PDS5B: variants seen among roughly 807,000 people sequenced by gnomAD.
PDS5B encodes the protein sister chromatid cohesion protein PDS5 homolog B.
Under a neutral mutation model 184.1 loss-of-function variants are expected in PDS5B, and 51 were observed. The ratio of observed to expected loss-of-function variants is 0.28; its 90% CI spans 0.22 to 0.35. The LOEUF (loss-of-function observed/expected upper bound fraction) is 0.35. PDS5B is among the 10% of genes least tolerant of loss of function. The pLI, the probability that PDS5B is intolerant of heterozygous loss-of-function variation, is 1.00. For missense variants in PDS5B, 1,180 were observed against 1,723.3 expected (o/e 0.68, Z 5.58); for synonymous variants, 566 against 569.2 (o/e 0.99, Z 0.08).
chr13:32,755,957 G>GTAAGACTT lies in PDS5B; in HGVS notation c.3056+3_3056+10dup. The stretch of plus-strand genomic sequence containing the variant: ...TTGAACAACTTAAAGATGTTAAAGA[G>GTAAGACTT]TAAGACTTTTTCCATCCCATTTTCA... On this transcript the variant is annotated splice_donor_variant, in intron 26 of 34. Transcript: ENST00000315596. LOFTEE classifies it high-confidence loss of function. The GTAAGACTT allele has an allele frequency of 7.2e-7, 1 of 1,391,834 alleles. No individual in the cohort carries two copies. The highest frequency in any genetic ancestry group is 1.0e-6 in the Non-Finnish European group (1 of 998,294). The allele number at this position is 1,391,834 out of a possible 1,614,324, so 86.2% of individuals were successfully genotyped here.
chr13:32,692,608 T>C (rs1053868595), intron 13 of PDS5B, among the ~76,000 whole-genome samples: 1 of 151,674 alleles, frequency 6.6e-6, no homozygotes. Context: ...TGGGAACTAA[T>C]TGTCTATTTA....
chr13:32,603,935 GAC>G (rs1237182887), intron 1 of PDS5B, among the ~76,000 whole-genome samples: 3 of 152,182 alleles, frequency 2.0e-5, no homozygotes, highest in African/African-American at 7.2e-5. Context: ...TGTATCCTGA[GAC>G]TTTGCTGAAG....
At chr13:32,658,088 T>G (rs1468069385) in intron 3 of PDS5B, 151 bp from the exon 4 acceptor site, 1 of 435,110 alleles carries the variant, frequency 2.3e-6, no homozygotes, top group Non-Finnish European at 4.2e-6. Context: ...GGTGTACTTT[T>G]AAAAAATTTT....
At chr13:32,621,921 A>T (rs938136192) in intron 1 of PDS5B, among the ~76,000 whole-genome samples, 3 of 152,174 alleles carry the variant, frequency 2.0e-5, no homozygotes, top group African/African-American at 7.2e-5. Context: ...AAAGTTTGCC[A>T]GTCTCTGGTT....
intron 3 of PDS5B, among the ~76,000 whole-genome samples, chr13:32,653,591 G>T (rs912058684): frequency 1.2e-4 from 18 of 152,096 alleles, no homozygotes; most frequent in African/African-American, 4.3e-4. Context: ...AATTTTGATT[G>T]GTGAAAGAAT....
At chr13:32,681,646 T>C (rs1261351358) in intron 10 of PDS5B, among the ~76,000 whole-genome samples, 1 of 124,814 alleles carries the variant, frequency 8.0e-6, no homozygotes, top group Non-Finnish European at 1.8e-5. Context: ...AGTGAGGCTT[T>C]GATTTTTTTT....
At chr13:32,701,547 T>C in intron 17 of PDS5B, 109 bp downstream of exon 17, 1 of 637,530 alleles carries the variant, frequency 1.6e-6, no homozygotes, top group South Asian at 1.9e-5. Flanking sequence ...CTGTGTGTAT[T>C]GTGTACTCCT....
At chr13:32,706,317 A>C (rs1216791688) in intron 17 of PDS5B, among the ~76,000 whole-genome samples, 1 of 149,794 alleles carries the variant, frequency 6.7e-6, no homozygotes, top group Non-Finnish European at 1.5e-5. Flanking sequence ...TAAATAAATA[A>C]ATAAATAAAA....
chr13:32,696,349 T>C (rs888385819), intron 14 of PDS5B, among the ~76,000 whole-genome samples: 1 of 152,132 alleles, frequency 6.6e-6, no homozygotes, highest in Admixed American at 6.6e-5. Flanking sequence ...GTATTACATA[T>C]GGTATAATGT....
chr13:32,683,832 A>G (rs375019534), intron 10 of PDS5B, 46 bp from the exon 11 acceptor site: 1 of 1,306,086 alleles, frequency 7.7e-7, no homozygotes, highest in Non-Finnish European at 1.1e-6. Flanking sequence ...TTTTAAAAAT[A>G]TTTTAGTTAT....
chr13:32,586,997 C>CCGCCGCCGT (rs1555284170), intron 1 of PDS5B, among the ~76,000 whole-genome samples: 1 of 141,594 alleles, frequency 7.1e-6, no homozygotes, highest in Admixed American at 6.9e-5. Flanking sequence ...CCTCCCGCCG[C>CCGCCGCCGT]CGCCGTCGCC....
At chr13:32,624,118 CT>C in intron 1 of PDS5B, among the ~76,000 whole-genome samples, 1 of 152,090 alleles carries the variant, frequency 6.6e-6, no homozygotes, top group African/African-American at 2.4e-5. Flanking sequence ...CACAAAGGCC[CT>C]TTTACCAATC....
intron 18 of PDS5B, among the ~76,000 whole-genome samples, chr13:32,709,487 G>A (rs1952130359): frequency 6.6e-6 from 1 of 151,642 alleles, no homozygotes; most frequent in African/African-American, 2.4e-5. Flanking sequence ...TCTAATGTTC[G>A]TACCATTGTG....
At chr13:32,732,043 A>G in intron 19 of PDS5B, 58 bp from the exon 20 acceptor site, 1 of 1,413,188 alleles carries the variant, frequency 7.1e-7, no homozygotes, top group Non-Finnish European at 9.8e-7. Flanking sequence ...TAAAGTATCT[A>G]GCAGAAGTCT....
At chr13:32,728,351 T>C (rs1190985604) in intron 19 of PDS5B, among the ~76,000 whole-genome samples, 1 of 152,166 alleles carries the variant, frequency 6.6e-6, no homozygotes, top group Middle Eastern at 3.2e-3. Flanking sequence ...GGCTTTCTAC[T>C]ATGTCTAGTA....
chr13:32,628,998 G>C (rs9595946), intron 1 of PDS5B, among the ~76,000 whole-genome samples: 1 of 151,918 alleles, frequency 6.6e-6, no homozygotes, highest in African/African-American at 2.4e-5. Context: ...AATTTAATAG[G>C]TATTAACACA....
chr13:32,625,282 ACT>A (rs749112165), intron 1 of PDS5B, among the ~76,000 whole-genome samples: 19 of 151,874 alleles, frequency 1.3e-4, no homozygotes, highest in Non-Finnish European at 1.2e-4. Context: ...CAAGATCATA[ACT>A]CTCTGCAGCC....
intron 1 of PDS5B, among the ~76,000 whole-genome samples, chr13:32,606,152 C>T (rs1272769900): frequency 6.6e-6 from 1 of 152,214 alleles, no homozygotes; most frequent in Non-Finnish European, 1.5e-5. Flanking sequence ...GATGCAGTTT[C>T]TTCCTAGCAT....
At chr13:32,694,110 C>T in intron 13 of PDS5B, 113 bp from the exon 14 acceptor site, 1 of 690,060 alleles carries the variant, frequency 1.4e-6, no homozygotes, top group Non-Finnish European at 2.4e-6. Flanking sequence ...TGAATTTCAT[C>T]TCATCTCTGT....
Sources: gnomAD v4.1 joint callset for allele counts (sites outside exome capture counted in the v4.1 genomes callset) on GRCh38, gnomAD v4.1.1 for gene constraint, MANE v1.5 for transcripts, NCBI Gene and HGNC (gene_info 2026-07-23, HGNC 2026-07-21) for gene names.